Variants in SBNO2 observed in about 807,000 individuals in gnomAD.
SBNO2 encodes protein strawberry notch homolog 2.
A neutral mutation model predicts 146.3 loss-of-function variants in SBNO2; 89 were observed. The ratio of observed to expected loss-of-function variants is 0.61; its 90% CI spans 0.51 to 0.73. The LOEUF (loss-of-function observed/expected upper bound fraction) is 0.73. SBNO2 is among the 30% of genes least tolerant of loss of function. SBNO2 has a pLI of 0.00. For synonymous variants in SBNO2, 1,147 were observed against 892.6 expected, an observed-to-expected ratio of 1.29 and a Z score of -5.08; for missense variants, 2,092 against 2,003.7, an observed-to-expected ratio of 1.04 and a Z score of -0.84.
In SBNO2 at chr19:1,147,891, G is replaced by A. The variant is rs922552723; in HGVS notation, c.168-471C>T. 1.3e-4 allele frequency among the ~76,000 whole-genome samples: 20 copies of A among 152,228 alleles called. 1 individual carries two copies. Among genetic ancestry groups the A allele is most frequent in the Admixed American group, 5.2e-4 (8 of 15,298 alleles). ...GGGAGGGCTCAGGTCGGAACCCCCC[G>A]CCCTGTCACCCTGAGGATGGCAAAG... On this transcript the variant is annotated intron_variant, in intron 3 of 31. Transcript: ENST00000361757.
Position 1,147,501 on chromosome 19 carries a change from G to A in SBNO2, c.168-81C>T, listed in dbSNP as rs1475728976. ...GTAACACACCTGCACCCCCATGGCC[G>A]CAGCCAGAGGCCCCTCGAGGCCCCA... On this transcript the variant is annotated intron_variant, in intron 3 of 31. Transcript: ENST00000361757. 4.8e-5 allele frequency: 37 copies of A among 774,406 alleles called. No individual in the cohort carries two copies. The South Asian group carries it at 4.8e-4, about 10-fold the overall frequency. 48.0% of individuals were successfully genotyped at this position (774,406 alleles called of 1,614,324 possible). A position where few individuals can be genotyped will look rare whatever the true frequency, so the allele number is the denominator to read the frequency against.
chr19:1,115,767 C>A, intron 17 of SBNO2: 1 of 565,608 alleles, frequency 1.8e-6, no homozygotes, highest in Non-Finnish European at 3.2e-6. Context: ...CGTGTCCCGC[C>A]CCCCGGGTCT....
intron 1 of SBNO2, among the ~76,000 whole-genome samples, chr19:1,159,949 A>G (rs2080328638): frequency 1.3e-5 from 2 of 151,948 alleles, no homozygotes; most frequent in African/African-American, 4.8e-5. Flanking sequence ...GAGGTGGGTG[A>G]GGGAGACCCC....
At chr19:1,170,405 T>G (rs1424361429) in intron 1 of SBNO2, among the ~76,000 whole-genome samples, 2 of 151,186 alleles carry the variant, frequency 1.3e-5, no homozygotes, top group Non-Finnish European at 3.0e-5. Context: ...GGGGCGAGAG[T>G]GCAGAGGCGA....
rs1327000840 is a variant in SBNO2 at position 1,108,844 on chromosome 19, T to C, written c.3551A>G (p.Asp1184Gly). Residue 1184 changes from aspartate to glycine, a missense_variant, in exon 31 of 32, where the codon GAC becomes GGC. Physicochemically the swap from Asp to Gly is moderately conservative, Grantham distance 94. Transcript: ENST00000361757. ...CTGCAGGTAGCTGCTGCTGCTGACG[T>C]CGGCCATGACGGCGGCGATGCGGCC... is the stretch of plus-strand genomic sequence containing the variant. ...VWGRIAAVMADVSSSSYLQIV... is the reference protein window; with the variant it reads ...VWGRIAAVMAGVSSSSYLQIV... 2 of 1,599,992 alleles carry C rather than the reference T, an allele frequency of 1.3e-6. No individual in the cohort carries two copies. Among genetic ancestry groups the C allele is most frequent in the Non-Finnish European group, 1.7e-6 (2 of 1,178,406 alleles).
In SBNO2 at chr19:1,158,547, G is replaced by A. The variant is rs1318925602; in HGVS notation, c.-126-4145C>T. ...CCCAGAGCGCTCCGCCCAGGCCCGG[G>A]TTCTGGTCTCCTGGCACACCCGGCA... On this transcript the variant is annotated intron_variant, in intron 1 of 31. Coordinates refer to ENST00000361757, the MANE Select transcript of SBNO2 (RefSeq NM_014963.3). The surrounding 1 kb of genome is among the most constrained non-coding windows in gnomAD (Gnocchi z 9.9). Among the ~76,000 whole-genome samples the A allele has an allele frequency of 6.6e-6, 1 of 152,208 alleles. No individual in the cohort carries two copies. The highest frequency in any genetic ancestry group is 1.5e-5 in the Non-Finnish European group (1 of 68,026).
chr19:1,164,305 C>T (rs1055509852), intron 1 of SBNO2, among the ~76,000 whole-genome samples: 2 of 152,074 alleles, frequency 1.3e-5, no homozygotes, highest in Non-Finnish European at 2.9e-5. Context: ...TCCTGTCCTG[C>T]TCCAGCACAA....
intron 1 of SBNO2, among the ~76,000 whole-genome samples, chr19:1,172,776 C>CA (rs2145368924): frequency 1.6e-5 from 1 of 63,174 alleles, no homozygotes; most frequent in South Asian, 7.4e-4. Flanking sequence ...CTCACTGCAA[C>CA]CGCCCCCCCC....
chr19:1,109,616 G>A lies in SBNO2; in HGVS notation c.3124-18C>T, dbSNP rs201906866. On this transcript the variant is annotated intron_variant, in intron 27 of 31. Transcript: ENST00000361757. This position sits in a 1 kb window ranked among gnomAD's most constrained non-coding sequence, Gnocchi z 4.2. ...ACGCTGATCTGCCACGGCACGGGGT[G>A]GGGGGGTGTGAGTGTGGTGGGGGCG... 1.0e-3 allele frequency: 1,606 copies of A among 1,561,924 alleles called. 12 individuals are homozygous for A. In the African/African-American group the frequency reaches 0.018, roughly 18 times the overall value.
intron 1 of SBNO2, among the ~76,000 whole-genome samples, chr19:1,164,648 CAGGAGG>C (rs1329473669): frequency 3.0e-4 from 5 of 16,552 alleles, no homozygotes; most frequent in Admixed American, 9.1e-4. Flanking sequence ...GGAGGAGGAA[CAGGAGG>C]AGGAGGAGGA....
intron 1 of SBNO2, among the ~76,000 whole-genome samples, chr19:1,166,109 TCTCAGACCCCAGATCCCAGACTTCAGATC>T (rs2080419981): frequency 3.4e-5 from 1 of 29,426 alleles, no homozygotes; most frequent in Non-Finnish European, 6.5e-5. Flanking sequence ...AAACCCCAGA[TCTCAGACCCCAGATCCCAGACTTCAGATC>T]CCCAGACCCC....
intron 1 of SBNO2, among the ~76,000 whole-genome samples, chr19:1,167,878 C>T (rs766585480): frequency 2.0e-5 from 3 of 152,316 alleles, no homozygotes; most frequent in East Asian, 1.9e-4. Flanking sequence ...CGGGAGCAGG[C>T]TCCGGGGACA....
Position 1,157,696 on chromosome 19 carries a change from G to T in SBNO2, c.-126-3294C>A, listed in dbSNP as rs1470751640. ...TCTTCAAGGGAGTCGTTGTAAAAGA[G>T]AACGATGAAGGTGCTGGTGGCCCAG... On this transcript the variant is annotated intron_variant, in intron 1 of 31. Transcript: ENST00000361757. This position sits in a 1 kb window ranked among gnomAD's most constrained non-coding sequence, Gnocchi z 6.8. 6.6e-6 allele frequency among the ~76,000 whole-genome samples: 1 copy of T among 152,214 alleles called. No individual in the cohort carries two copies. The highest frequency in any genetic ancestry group is 1.5e-5 in the Non-Finnish European group (1 of 68,044).
chr19:1,127,486 GCACAGC>G (rs761029135), intron 5 of SBNO2, 112 bp downstream of exon 5: 1 of 976,020 alleles, frequency 1.0e-6, no homozygotes, highest in South Asian at 1.4e-5. Context: ...ACAGTGACAG[GCACAGC>G]CATTGGCACG....
chr19:1,108,813 C>T lies in SBNO2; in HGVS notation c.3582G>A (p.Val1194=), dbSNP rs1172676455. The T allele has an allele frequency of 4.4e-6, 7 of 1,602,994 alleles. No homozygotes were observed. The change falls in exon 31 of 32, where the codon GTG becomes GTA. Residue 1194 remains valine, a synonymous_variant. Transcript: ENST00000361757. ...DVSSSSYLQI[V]RLKTKDRKKQ... is the part of the protein sequence containing the mutation. ...TCTTCCTGTCCTTGGTCTTCAGCCG[C>T]ACGATCTGCAGGTAGCTGCTGCTGC...
At position 1,110,797 on chromosome 19, in the gene SBNO2, G is replaced by A. The variant is rs778650358; in HGVS notation, c.2976C>T (p.Asp992=). The part of the protein sequence containing the change: ...ALFQYFSDTF[D]HLIEMDKREG... ...CCCGCTTGTCCATCTCGATGAGGTG[G>A]TCGAAGGTGTCTGAGAAGTACTGGA... Residue 992 remains aspartate (D), a synonymous_variant, in exon 26 of 32, where the codon GAC becomes GAT. Transcript: ENST00000361757. The surrounding 1 kb of genome is among the most constrained non-coding windows in gnomAD (Gnocchi z 4.9). The A allele has an allele frequency of 1.7e-5, 27 of 1,613,666 alleles. No homozygotes were observed. Among genetic ancestry groups the A allele is most frequent in the South Asian group, 5.5e-5 (5 of 91,080 alleles).
At chr19:1,134,350 G>A (rs1056625241) in intron 4 of SBNO2, among the ~76,000 whole-genome samples, 3 of 151,864 alleles carry the variant, frequency 2.0e-5, no homozygotes, top group African/African-American at 7.3e-5. Context: ...TGGACCCTCA[G>A]CTCCCAGGTG....
chr19:1,130,871 G>A (rs1302095427), intron 4 of SBNO2, among the ~76,000 whole-genome samples: 1 of 152,182 alleles, frequency 6.6e-6, no homozygotes, highest in Non-Finnish European at 1.5e-5. Flanking sequence ...CAGCCTCGAG[G>A]CCCCGCCCTG....
intron 14 of SBNO2, among the ~76,000 whole-genome samples, chr19:1,118,364 G>C (rs79391703): frequency 0.018 from 2,724 of 151,940 alleles, 74 homozygotes; most frequent in African/African-American, 0.062. Flanking sequence ...AAAAACCATC[G>C]AACATACAGG....
Sources: allele counts gnomAD v4.1 joint callset (sites outside exome capture counted in the v4.1 genomes callset), GRCh38; gene constraint gnomAD v4.1.1; non-coding constraint Gnocchi (gnomAD v3.1); transcripts MANE v1.5; gene names NCBI Gene and HGNC (gene_info 2026-07-23, HGNC 2026-07-21).